Variants in MNAT1 observed in about 807,000 individuals in gnomAD.
MNAT1 encodes MNAT1 component of CDK activating kinase.
A neutral mutation model predicts 42.0 loss-of-function variants in MNAT1; 43 were observed. The observed-to-expected ratio is 1.02, with a 90% CI of 0.80 to 1.32. The LOEUF is 1.32. MNAT1 is among the 40% of genes most tolerant of loss of function. MNAT1 has a pLI of 0.00. For missense variants in MNAT1, 306 were observed against 350.4 expected (o/e 0.87, Z 1.01); for synonymous variants, 118 against 120.0 (o/e 0.98, Z 0.11).
intron 7 of MNAT1, among the ~76,000 whole-genome samples, chr14:60,936,406 T>G (rs1594890370): frequency 8.8e-6 from 1 of 113,364 alleles, no homozygotes; most frequent in Non-Finnish European, 1.7e-5. Context: ...CAGGCCCCCG[T>G]GTGTGATGTT....
intron 1 of MNAT1, among the ~76,000 whole-genome samples, chr14:60,776,844 T>A (rs2031271670): frequency 6.6e-6 from 1 of 152,086 alleles, no homozygotes; most frequent in Non-Finnish European, 1.5e-5. Context: ...GTTGTTTGTT[T>A]GTTTTGGTTT....
chr14:60,889,602 G>A (rs766847815), intron 7 of MNAT1, among the ~76,000 whole-genome samples: 51 of 152,130 alleles, frequency 3.4e-4, no homozygotes, highest in Non-Finnish European at 5.3e-4. Flanking sequence ...TTGACAAATG[G>A]GATCTAATTA....
chr14:60,790,735 A>G (rs2031790570), intron 1 of MNAT1, among the ~76,000 whole-genome samples: 1 of 152,200 alleles, frequency 6.6e-6, no homozygotes, highest in African/African-American at 2.4e-5. Context: ...TTCACAGGGT[A>G]ATGGTGAATT....
At chr14:60,900,375 C>G (rs1380190394) in intron 7 of MNAT1, among the ~76,000 whole-genome samples, 2 of 152,138 alleles carry the variant, frequency 1.3e-5, no homozygotes, top group Non-Finnish European at 2.9e-5. Context: ...AGCAAAACAG[C>G]CTGATTGCTG....
intron 3 of MNAT1, among the ~76,000 whole-genome samples, chr14:60,807,380 G>A (rs917474575): frequency 6.6e-6 from 1 of 152,118 alleles, no homozygotes; most frequent in South Asian, 2.1e-4. Context: ...GTTATTTAGG[G>A]TAGATCCGTC....
intron 1 of MNAT1, among the ~76,000 whole-genome samples, chr14:60,786,103 T>C (rs2031642202): frequency 6.6e-6 from 1 of 151,702 alleles, no homozygotes; most frequent in Non-Finnish European, 1.5e-5. Flanking sequence ...TTGAATAAAA[T>C]AAATAATAGA....
intron 1 of MNAT1, among the ~76,000 whole-genome samples, chr14:60,789,664 AG>A (rs1269123929): frequency 1.3e-5 from 2 of 152,150 alleles, no homozygotes; most frequent in African/African-American, 4.8e-5. Flanking sequence ...ATATCCCTGA[AG>A]GGGCTTTGAG....
intron 7 of MNAT1, among the ~76,000 whole-genome samples, chr14:60,947,973 G>A (rs1259350642): frequency 1.3e-5 from 2 of 152,190 alleles, no homozygotes; most frequent in Non-Finnish European, 2.9e-5. Context: ...GGCCTGTAGA[G>A]CTGTAGCCCC....
At chr14:60,788,986 C>G (rs1256049191) in intron 1 of MNAT1, among the ~76,000 whole-genome samples, 4 of 152,186 alleles carry the variant, frequency 2.6e-5, no homozygotes, top group Non-Finnish European at 5.9e-5. Context: ...GCATTCATGA[C>G]TTGGCTAACT....
At chr14:60,847,700 TTTC>T (rs2033715847) in intron 6 of MNAT1, among the ~76,000 whole-genome samples, 1 of 152,180 alleles carries the variant, frequency 6.6e-6, no homozygotes, top group Non-Finnish European at 1.5e-5. Flanking sequence ...TTTAAATTAT[TTTC>T]TTTTTACTAT....
intron 6 of MNAT1, among the ~76,000 whole-genome samples, chr14:60,861,277 C>T (rs1273475607): frequency 6.6e-6 from 1 of 151,894 alleles, no homozygotes; most frequent in Non-Finnish European, 1.5e-5. Flanking sequence ...AATGTAAAAA[C>T]GTTCAAACTC....
At chr14:60,860,726 C>T (rs925956091) in intron 6 of MNAT1, among the ~76,000 whole-genome samples, 1 of 152,058 alleles carries the variant, frequency 6.6e-6, no homozygotes, top group African/African-American at 2.4e-5. Flanking sequence ...AAGCCCCATG[C>T]TTTTAACATT....
At chr14:60,828,444 C>G (rs1490723625) in intron 6 of MNAT1, among the ~76,000 whole-genome samples, 1 of 151,762 alleles carries the variant, frequency 6.6e-6, no homozygotes, top group Non-Finnish European at 1.5e-5. Context: ...GTTATTTTAT[C>G]TATAGACTCC....
chr14:60,885,358 T>C (rs2034642323), intron 7 of MNAT1, among the ~76,000 whole-genome samples: 1 of 151,984 alleles, frequency 6.6e-6, no homozygotes, highest in Non-Finnish European at 1.5e-5. Context: ...TCTAGATCTT[T>C]TAGGCATGCT....
intron 6 of MNAT1, among the ~76,000 whole-genome samples, chr14:60,858,105 G>A: frequency 6.6e-6 from 1 of 152,064 alleles, no homozygotes; most frequent in East Asian, 1.9e-4. Flanking sequence ...TGGGATTGCT[G>A]GGTCAAATGG....
rs2036735282 is a variant in MNAT1, at chr14:60,969,178, T to C, written c.*829T>C. 1 of 152,234 alleles carries C rather than the reference T, an allele frequency of 6.6e-6. No individual in the cohort carries two copies. Among genetic ancestry groups the C allele is most frequent in the Non-Finnish European group, 1.5e-5 (1 of 68,044 alleles). 9.4% of individuals were successfully genotyped at this position (152,234 alleles called of 1,614,324 possible). A position where few individuals can be genotyped will look rare whatever the true frequency, so the allele number is the denominator to read the frequency against. On this transcript the variant is annotated 3_prime_UTR_variant, in exon 8 of 8. Coordinates refer to ENST00000261245, the MANE Select transcript of MNAT1 (RefSeq NM_002431.4). The stretch of plus-strand genomic sequence containing the variant: ...ATAAATTGTATACTGATACAGTTTT[T>C]TTGTTGAAACTTCAAAGGCTTTTAT...
At chr14:60,868,101 C>T (rs1344267406) in intron 6 of MNAT1, among the ~76,000 whole-genome samples, 5 of 152,010 alleles carry the variant, frequency 3.3e-5, no homozygotes. Context: ...AGAAATGTTA[C>T]TCAGAATGAA....
rs563979501 is a variant in MNAT1, at chr14:60,883,375, T to C, written c.809+3540T>C. 2.2e-4 allele frequency among the ~76,000 whole-genome samples: 33 copies of C among 152,272 alleles called. No individual in the cohort carries two copies. The East Asian group carries it at 4.2e-3, about 20-fold the overall frequency. On this transcript the variant is annotated intron_variant, in intron 7 of 7. Transcript: ENST00000261245. ...ATGGTCTTGGCACTTTTGTCAAAAA[T>C]GAGTTCACTGTAGATGCATGGATTT...
At chr14:60,781,725 A>C (rs1247256948) in intron 1 of MNAT1, among the ~76,000 whole-genome samples, 2 of 151,992 alleles carry the variant, frequency 1.3e-5, no homozygotes, top group Non-Finnish European at 2.9e-5. Flanking sequence ...AAAAGTTTAA[A>C]GTTTTCTCTT....
Sources: allele counts gnomAD v4.1 joint callset (sites outside exome capture counted in the v4.1 genomes callset), GRCh38; gene constraint gnomAD v4.1.1; transcripts MANE v1.5; gene names NCBI Gene and HGNC (gene_info 2026-07-23, HGNC 2026-07-21).